The following POLA1 variants were observed in gnomAD, a reference collection of about 807,000 sequenced individuals.
POLA1 encodes the protein DNA polymerase alpha 1, catalytic subunit.
A neutral mutation model predicts 124.0 loss-of-function variants in POLA1; 15 were observed. The ratio of observed to expected loss-of-function variants is 0.12; its 90% CI spans 0.08 to 0.19. The LOEUF (loss-of-function observed/expected upper bound fraction) is 0.19, where lower values mean the gene tolerates loss of function less well. Ranked by LOEUF, POLA1 falls within the 10% of genes least tolerant of loss-of-function variation. The probability of loss-of-function intolerance (pLI) is 1.00; values close to 1 mark genes in which losing one functional copy is unlikely to be tolerated. For synonymous variants in POLA1, 408 were observed against 389.4 expected (o/e 1.05, Z -0.56); for missense variants, 886 against 1,103.4 (o/e 0.80, Z 2.79).
intron 26 of POLA1, among the ~76,000 whole-genome samples, chrX:24,803,276 C>A (rs1225964366): frequency 1.8e-5 from 2 of 111,190 alleles, no homozygotes; most frequent in African/African-American, 6.6e-5. Context: ...TTGGTTGTCA[C>A]AGCTGGAGAG....
chrX:24,753,763 G>A (rs1164067551), intron 26 of POLA1, among the ~76,000 whole-genome samples: 1 of 112,233 alleles, frequency 8.9e-6, no homozygotes, highest in Admixed American at 9.4e-5. Context: ...TACTGACATT[G>A]GTATTATTTT....
intron 16 of POLA1, among the ~76,000 whole-genome samples, chrX:24,733,045 A>T (rs1198059953): frequency 8.9e-6 from 1 of 112,105 alleles, no homozygotes; most frequent in African/African-American, 3.2e-5. Context: ...GCTGTTTTTT[A>T]AAAAAGGGAA....
intron 26 of POLA1, among the ~76,000 whole-genome samples, chrX:24,776,063 T>C (rs1325654559): frequency 8.9e-6 from 1 of 111,935 alleles, no homozygotes; most frequent in African/African-American, 3.2e-5. Flanking sequence ...TGTAAGAAAA[T>C]GACTCTCTCA....
At chrX:24,696,107 A>G (rs778249032) in intron 1 of POLA1, among the ~76,000 whole-genome samples, 17 of 112,929 alleles carry the variant, frequency 1.5e-4, no homozygotes, top group African/African-American at 3.5e-4. Flanking sequence ...AAAGTAAGAT[A>G]GGCATCTTCA....
At chrX:24,867,648 A>G (rs916489818) in intron 34 of POLA1, among the ~76,000 whole-genome samples, 4 of 112,265 alleles carry the variant, frequency 3.6e-5, no homozygotes, top group African/African-American at 1.3e-4. Flanking sequence ...ACTTGAAAAA[A>G]TATTTTAATG....
intron 35 of POLA1, among the ~76,000 whole-genome samples, chrX:24,921,840 T>G (rs1349833274): frequency 9.3e-6 from 1 of 107,842 alleles, no homozygotes; most frequent in African/African-American, 3.7e-5. Context: ...AAGGGACCAG[T>G]TATTAAGATA....
chrX:24,749,081 T>C (rs1932177271), intron 26 of POLA1, 89 bp downstream of exon 26: 4 of 695,396 alleles, frequency 5.8e-6, no homozygotes, highest in Non-Finnish European at 8.9e-6. Context: ...GTTTATTACC[T>C]AGTTGTACAG....
intron 20 of POLA1, among the ~76,000 whole-genome samples, chrX:24,740,793 A>G (rs1602312960): frequency 8.9e-6 from 1 of 111,808 alleles, no homozygotes; most frequent in African/African-American, 3.2e-5. Context: ...CCTCTTCAAG[A>G]TCTTCATTCT....
At chrX:24,961,365 A>G (rs1251619897) in intron 36 of POLA1, among the ~76,000 whole-genome samples, 1 of 111,299 alleles carries the variant, frequency 9.0e-6, no homozygotes, top group African/African-American at 3.3e-5. Flanking sequence ...TTCTTTTTTG[A>G]TGTGTTTATA....
At chrX:24,995,656 C>A (rs761767095) in intron 36 of POLA1, 149 bp from the exon 37 acceptor site, 5 of 483,773 alleles carry the variant, frequency 1.0e-5, no homozygotes, top group Admixed American at 3.8e-5. Context: ...GAATGGTCGG[C>A]GGGGGCTGCA....
At chrX:24,897,666 G>T (rs759541938) in intron 35 of POLA1, among the ~76,000 whole-genome samples, 1 of 111,983 alleles carries the variant, frequency 8.9e-6, no homozygotes, top group African/African-American at 3.2e-5. Context: ...GACCAATGCA[G>T]AGATGTTCCA....
intron 26 of POLA1, among the ~76,000 whole-genome samples, chrX:24,762,429 G>T (rs1259248401): frequency 2.7e-5 from 3 of 112,381 alleles, no homozygotes; most frequent in Non-Finnish European, 5.6e-5. Flanking sequence ...GATAGCAAAG[G>T]CCCTTGACCT....
intron 30 of POLA1, among the ~76,000 whole-genome samples, chrX:24,820,368 C>T (rs11573417): frequency 7.5e-4 from 84 of 111,495 alleles, no homozygotes; most frequent in South Asian, 1.2e-3. Context: ...ACTTTGAGAA[C>T]GGGTGAGCTC....
In POLA1 at chrX:24,714,617, C is replaced by T. The variant is rs760605087; in HGVS notation, c.410C>T (p.Pro137Leu). 3 of 1,198,335 alleles carry T rather than the reference C, an allele frequency of 2.5e-6. No individual in the cohort carries two copies. The highest frequency in any genetic ancestry group is 2.3e-4 in the Middle Eastern group (1 of 4,281). ...RNVKKLAVTK[P>L]NNIKSMFIAC... ...GTAAAGAAGCTCGCAGTGACAAAAC[C>T]GAACAACATTAAGTCAATGTTCATT... Residue 137 changes from proline (P) to leucine (L), a missense_variant, in exon 5 of 37, where the codon CCG (proline) becomes CTG (leucine). By Grantham distance (98) the Pro-to-Leu change is moderately conservative. This residue lies in a region of POLA1 where 337 missense variants were observed against 402.8 expected (regional missense o/e 0.84). Coordinates refer to ENST00000379068, the MANE Select transcript of POLA1 (RefSeq NM_001330360.2).
At chrX:24,869,934 C>T (rs1226223889) in intron 34 of POLA1, among the ~76,000 whole-genome samples, 1 of 112,177 alleles carries the variant, frequency 8.9e-6, no homozygotes, top group Non-Finnish European at 1.9e-5. Flanking sequence ...GTTGCTTGCC[C>T]TTAGCATTCA....
chrX:24,742,870 TTAGAG>T (rs760175299), intron 22 of POLA1, among the ~76,000 whole-genome samples: 10 of 111,953 alleles, frequency 8.9e-5, no homozygotes, highest in Admixed American at 3.8e-4. Flanking sequence ...ATCACGAATG[TTAGAG>T]TAGTGATTTT....
chrX:24,925,594 C>CA (rs2047678169), intron 35 of POLA1, among the ~76,000 whole-genome samples: 1 of 112,267 alleles, frequency 8.9e-6, no homozygotes, highest in Non-Finnish European at 1.9e-5. Context: ...CCTCAGAAAA[C>CA]AGTTTGGCAG....
At chrX:24,888,712 A>G (rs2047101588) in intron 35 of POLA1, among the ~76,000 whole-genome samples, 1 of 96,875 alleles carries the variant, frequency 1.0e-5, no homozygotes, top group Non-Finnish European at 2.0e-5. Flanking sequence ...GTAGCTTGGG[A>G]CTACAGGCGC....
intron 36 of POLA1, among the ~76,000 whole-genome samples, chrX:24,952,147 T>G (rs919362868): frequency 1.8e-5 from 2 of 112,049 alleles, no homozygotes; most frequent in Non-Finnish European, 3.8e-5. Context: ...TCACATGGGG[T>G]CCACCCTGAT....
Sources: gnomAD v4.1 joint callset for allele counts (sites outside exome capture counted in the v4.1 genomes callset) on GRCh38, gnomAD v4.1.1 for gene constraint, gnomAD v4.1.1 regional missense constraint, MANE v1.5 for transcripts, NCBI Gene and HGNC (gene_info 2026-07-23, HGNC 2026-07-21) for gene names.